The following CREB5 variants were observed in gnomAD, a reference collection of about 807,000 sequenced individuals.
CREB5 encodes cyclic AMP-responsive element-binding protein 5.
Under a neutral mutation model 57.1 loss-of-function variants are expected in CREB5, and 19 were observed. The ratio of observed to expected loss-of-function variants is 0.33; its 90% CI spans 0.23 to 0.49. The LOEUF is 0.49. Among genes scored for constraint, CREB5 ranks in the 20% least tolerant of loss-of-function variants. CREB5 has a pLI of 0.99. For missense variants in CREB5, 579 were observed against 671.6 expected (o/e 0.86, Z 1.52); for synonymous variants, 238 against 238.3 (o/e 1.00, Z 0.01).
intron 1 of CREB5, among the ~76,000 whole-genome samples, chr7:28,446,852 G>C (rs1259711995): frequency 2.0e-5 from 3 of 152,104 alleles, no homozygotes; most frequent in African/African-American, 7.2e-5. Flanking sequence ...TTATACAGGT[G>C]GTGTCGGTGT....
chr7:28,643,535 G>A (rs41317), intron 5 of CREB5, among the ~76,000 whole-genome samples: 117,279 of 152,062 alleles, frequency 0.77, 45,726 homozygotes, highest in East Asian at 0.99. Flanking sequence ...ATGGAACTAT[G>A]TGACCTAGGT....
intron 4 of CREB5, among the ~76,000 whole-genome samples, chr7:28,538,572 T>C (rs1794074313): frequency 6.6e-6 from 1 of 152,210 alleles, no homozygotes; most frequent in Non-Finnish European, 1.5e-5. Flanking sequence ...TCAGTTTTCT[T>C]TATTGTATAT....
chr7:28,388,739 C>T (rs1362631034), intron 1 of CREB5, among the ~76,000 whole-genome samples: 1 of 152,204 alleles, frequency 6.6e-6, no homozygotes, highest in East Asian at 1.9e-4. Flanking sequence ...TTACTTCTTT[C>T]TCAATCACGC....
intron 1 of CREB5, among the ~76,000 whole-genome samples, chr7:28,372,378 A>G (rs1347179104): frequency 6.6e-6 from 1 of 152,186 alleles, no homozygotes; most frequent in African/African-American, 2.4e-5. Context: ...TTTTAAAATT[A>G]TTTATTCCTC....
chr7:28,440,508 A>G (rs994935224), intron 1 of CREB5, among the ~76,000 whole-genome samples: 1 of 152,174 alleles, frequency 6.6e-6, no homozygotes, highest in Non-Finnish European at 1.5e-5. Context: ...TTATTCTCCC[A>G]GGCCAGTCCT....
chr7:28,699,763 G>T (rs1367728696), intron 5 of CREB5, among the ~76,000 whole-genome samples: 1 of 152,172 alleles, frequency 6.6e-6, no homozygotes, highest in Non-Finnish European at 1.5e-5. Context: ...TTCCAAAGCA[G>T]CTTAATGTAG....
At chr7:28,337,720 A>T (rs1296004170) in intron 1 of CREB5, among the ~76,000 whole-genome samples, 1 of 152,068 alleles carries the variant, frequency 6.6e-6, no homozygotes, top group African/African-American at 2.4e-5. Context: ...TGATAAGTAA[A>T]AACATTCCTG....
intron 4 of CREB5, among the ~76,000 whole-genome samples, chr7:28,556,042 A>C (rs1407157824): frequency 6.6e-6 from 1 of 152,114 alleles, no homozygotes; most frequent in African/African-American, 2.4e-5. Context: ...GCCTCAATAA[A>C]AATACGGATG....
intron 7 of CREB5, 156 bp downstream of exon 7, chr7:28,724,488 T>C: frequency 1.6e-6 from 1 of 629,798 alleles, no homozygotes; most frequent in Non-Finnish European, 2.8e-6. Context: ...TTTGAGGATG[T>C]TTGTTACAGA....
At chr7:28,700,757 T>C (rs1379916545) in intron 5 of CREB5, among the ~76,000 whole-genome samples, 1 of 152,098 alleles carries the variant, frequency 6.6e-6, no homozygotes, top group African/African-American at 2.4e-5. Context: ...TTATATCTAT[T>C]TCCTTTCGAT....
At chr7:28,724,037 T>A (rs1174162341) in intron 6 of CREB5, among the ~76,000 whole-genome samples, 185 bp from the exon 7 acceptor site, 2 of 152,198 alleles carry the variant, frequency 1.3e-5, no homozygotes, top group South Asian at 2.1e-4. Flanking sequence ...CGGCTTTGGA[T>A]GATTCTTTGA....
chr7:28,316,986 T>G (rs1317010121), intron 1 of CREB5, among the ~76,000 whole-genome samples: 1 of 151,264 alleles, frequency 6.6e-6, no homozygotes, highest in Non-Finnish European at 1.5e-5. Context: ...AATGTAAGAT[T>G]TTCATTCTGA....
At chr7:28,754,323 C>T (rs1164162787) in intron 7 of CREB5, among the ~76,000 whole-genome samples, 2 of 152,204 alleles carry the variant, frequency 1.3e-5, no homozygotes, top group East Asian at 1.9e-4. Context: ...AGTGATGGCA[C>T]TGTGTGTCAT....
At chr7:28,473,739 T>C (rs764331898) in intron 1 of CREB5, among the ~76,000 whole-genome samples, 1 of 152,138 alleles carries the variant, frequency 6.6e-6, no homozygotes. Context: ...CTGAGGTCAG[T>C]GGATGAGAGC....
chr7:28,431,324 T>C (rs190312559), intron 1 of CREB5, among the ~76,000 whole-genome samples: 8 of 152,318 alleles, frequency 5.3e-5, no homozygotes, highest in African/African-American at 1.9e-4. Context: ...AACAGGACTA[T>C]GAGTTAATGC....
At chr7:28,664,647 T>G (rs1208841174) in intron 5 of CREB5, among the ~76,000 whole-genome samples, 2 of 152,224 alleles carry the variant, frequency 1.3e-5, no homozygotes, top group African/African-American at 2.4e-5. Context: ...ATTTGTGATT[T>G]TCCTGAAGTA....
intron 9 of CREB5, among the ~76,000 whole-genome samples, chr7:28,817,092 T>A (rs181213018): frequency 6.6e-6 from 1 of 152,058 alleles, no homozygotes; most frequent in Non-Finnish European, 1.5e-5. Context: ...GGCACTTACA[T>A]GAGTAAATAA....
intron 4 of CREB5, among the ~76,000 whole-genome samples, chr7:28,549,282 A>T (rs1794531620): frequency 1.3e-5 from 2 of 152,250 alleles, no homozygotes; most frequent in African/African-American, 4.8e-5. Context: ...TGTCCAACAG[A>T]TGTCAAATAC....
intron 5 of CREB5, among the ~76,000 whole-genome samples, chr7:28,692,027 A>AAAC (rs1554286563): frequency 5.0e-4 from 76 of 151,082 alleles, no homozygotes; most frequent in Non-Finnish European, 7.7e-4. Flanking sequence ...AAAAAAAAAA[A>AAAC]AACAACAAAT....
Sources: gnomAD v4.1 joint callset for allele counts (sites outside exome capture counted in the v4.1 genomes callset) on GRCh38, gnomAD v4.1.1 for gene constraint, MANE v1.5 for transcripts, NCBI Gene and HGNC (gene_info 2026-07-23, HGNC 2026-07-21) for gene names.